CEACAM21: variants seen among roughly 807,000 people sequenced by gnomAD.
CEACAM21 encodes the protein cell adhesion molecule CEACAM21.
Under a neutral mutation model 33.2 loss-of-function variants are expected in CEACAM21, and 38 were observed. That is an observed-to-expected ratio of 1.14 (90% CI 0.88 to 1.50). The LOEUF (loss-of-function observed/expected upper bound fraction) is 1.50, where lower values mean the gene tolerates loss of function less well. CEACAM21 is among the 40% of genes most tolerant of loss of function. The pLI is 0.00. For missense variants in CEACAM21, 385 were observed against 364.6 expected (o/e 1.06, Z -0.46); for synonymous variants, 156 against 143.0 (o/e 1.09, Z -0.65).
Position 41,579,484 on chromosome 19 carries a change from G to A in CEACAM21, c.556G>A (p.Val186Ile), listed in dbSNP as rs1344892442. 2.5e-6 allele frequency: 4 copies of A among 1,613,864 alleles called. No homozygotes were observed. The South Asian group carries it at 3.3e-5, about 13-fold the overall frequency. ...GATTTTCAACAACCAGCGTCTGCAG[G>A]TCACGAAGAGGATGAAGCTGTCCTG... ...QWIFNNQRLQ[V>I]TKRMKLSWFN... The change falls in exon 3 of 7, where the codon GTC (valine) becomes ATC (isoleucine). Residue 186 changes from valine (V) to isoleucine (I), a missense_variant. Coordinates refer to ENST00000401445, the MANE Select transcript of CEACAM21 (RefSeq NM_001098506.4).
chr19:41,576,918 T>G (rs1555791257), intron 1 of CEACAM21, among the ~76,000 whole-genome samples: 1 of 152,078 alleles, frequency 6.6e-6, no homozygotes, highest in African/African-American at 2.4e-5. Flanking sequence ...TAGAGGAGGC[T>G]TCACGAAAGA....
rs1568627179 is a variant in CEACAM21, at chr19:41,586,671, G to A, written c.*208G>A. ...ACAGGCCTGGGGACAGGAAGGGATGGGGGTCCCTGCTGAATATATAGAGAC... is the reference window on the plus strand; with the variant it reads ...ACAGGCCTGGGGACAGGAAGGGATGAGGGTCCCTGCTGAATATATAGAGAC... On this transcript the variant is annotated 3_prime_UTR_variant, in exon 7 of 7. Coordinates refer to ENST00000401445, the MANE Select transcript of CEACAM21 (RefSeq NM_001098506.4). 4.3e-6 allele frequency: 2 copies of A among 466,576 alleles called. No individual in the cohort carries two copies. Among genetic ancestry groups the A allele is most frequent in the African/African-American group, 2.0e-5 (1 of 49,596 alleles). The allele number at this position is 466,576 out of a possible 1,614,324, so 28.9% of individuals were successfully genotyped here. A position where few individuals can be genotyped will look rare whatever the true frequency, so the allele number is the denominator to read the frequency against.
At chr19:41,575,396 C>A (rs1555790661), upstream of CEACAM21, among the ~76,000 whole-genome samples, 3 of 152,168 alleles carry the variant, frequency 2.0e-5, no homozygotes, top group African/African-American at 7.2e-5. Flanking sequence ...TCGCCCTGAT[C>A]AGATAGTCCT....
intron 3 of CEACAM21, among the ~76,000 whole-genome samples, chr19:41,582,576 G>A (rs752363080): frequency 8.5e-5 from 13 of 152,322 alleles, no homozygotes; most frequent in South Asian, 6.2e-4. Context: ...AAATCTAGGC[G>A]AAGGTTCCCA....
chr19:41,566,933 T>C (rs961960013), intron 2 of CEACAM21, among the ~76,000 whole-genome samples: 1 of 152,236 alleles, frequency 6.6e-6, no homozygotes, highest in Admixed American at 6.5e-5. Context: ...TTTTAAAATA[T>C]ATTGGTACAG....
intron 3 of CEACAM21, among the ~76,000 whole-genome samples, chr19:41,580,440 G>T (rs1336126929): frequency 6.6e-6 from 1 of 152,038 alleles, no homozygotes; most frequent in East Asian, 1.9e-4. Context: ...CCACAAAATT[G>T]CCACCACCTT....
chr19:41,582,326 A>G lies in CEACAM21; in HGVS notation c.701-2021A>G, dbSNP rs542815237. On this transcript the variant is annotated intron_variant, in intron 3 of 6. Coordinates refer to ENST00000401445, the MANE Select transcript of CEACAM21 (RefSeq NM_001098506.4). ...TGGCTGCTTTCATAGGCTGGCGTTG[A>G]GTGTCTGCAGCTTTTCTAGGTGCAT... is the stretch of plus-strand genomic sequence containing the variant. Among the ~76,000 whole-genome samples the G allele has an allele frequency of 2.0e-5, 3 of 152,238 alleles. No individual in the cohort carries two copies. In the East Asian group the frequency reaches 5.8e-4, roughly 29 times the overall value.
rs144624644 is a variant in CEACAM21 at position 41,552,940 on chromosome 19, A to G, written c.-779+3388A>G. On this transcript the variant is annotated intron_variant, in intron 1 of 7. Coordinates refer to the CEACAM21 transcript ENST00000407170. ...TGATTTCCAATTAAGAAAAATGGGG[A>G]AAAAGGGAAAGAAAAAGGAAACAAA... 1.1e-4 allele frequency among the ~76,000 whole-genome samples: 17 copies of G among 152,294 alleles called. No individual in the cohort carries two copies. In the East Asian group the frequency reaches 2.3e-3, roughly 21 times the overall value.
intron 6 of CEACAM21, chr19:41,586,127 C>T (rs1051608643): frequency 3.5e-5 from 21 of 603,426 alleles, no homozygotes; most frequent in Non-Finnish European, 5.9e-5. Flanking sequence ...TTCCCTGTCC[C>T]CTGACACCCC....
chr19:41,559,020 A>G (rs782459334), intron 1 of CEACAM21, among the ~76,000 whole-genome samples: 4 of 152,234 alleles, frequency 2.6e-5, no homozygotes, highest in Non-Finnish European at 5.9e-5. Flanking sequence ...GGAGATTTGA[A>G]TACATTCCTA....
At chr19:41,557,990 T>C (rs2041641516) in intron 1 of CEACAM21, among the ~76,000 whole-genome samples, 1 of 152,240 alleles carries the variant, frequency 6.6e-6, no homozygotes, top group East Asian at 1.9e-4. Flanking sequence ...CCAAAAACCA[T>C]GCCAAGAGTT....
chr19:41,577,893 C>A (rs2043072338), intron 2 of CEACAM21, among the ~76,000 whole-genome samples: 1 of 152,174 alleles, frequency 6.6e-6, no homozygotes, highest in African/African-American at 2.4e-5. Flanking sequence ...CAGGGCCTGG[C>A]CTGAGGATCC....
chr19:41,561,573 G>A (rs1217963533), intron 1 of CEACAM21, among the ~76,000 whole-genome samples: 1 of 152,116 alleles, frequency 6.6e-6, no homozygotes, highest in African/African-American at 2.4e-5. Context: ...TTGTCTTTTA[G>A]CTGGACAAGC....
chr19:41,550,891 A>G (rs1243027998), intron 1 of CEACAM21, among the ~76,000 whole-genome samples: 6 of 152,218 alleles, frequency 3.9e-5, no homozygotes, highest in African/African-American at 1.4e-4. Context: ...CATGAAAAGG[A>G]ATTTATTTTT....
rs1555795262 is a variant in CEACAM21 at position 41,585,862 on chromosome 19, C to T, written c.873C>T (p.Ser291=). The T allele has an allele frequency of 6.2e-7, 1 of 1,612,960 alleles. No homozygotes were observed. The highest frequency in any genetic ancestry group is 8.5e-7 in the Non-Finnish European group (1 of 1,179,562). The change falls in exon 6 of 7, where the codon TCC becomes TCT. Residue 291 remains serine, a synonymous_variant. Coordinates refer to ENST00000401445, the MANE Select transcript of CEACAM21 (RefSeq NM_001098506.4). Reference sequence around the variant, plus strand: ...CAGGCCATGGACCCTCTGACAGCTCCATCTCCTAGGTAAGACTGTCCGTTC... The same window carrying T: ...CAGGCCATGGACCCTCTGACAGCTCTATCTCCTAGGTAAGACTGTCCGTTC... ...STPGHGPSDS[S]IS
At chr19:41,558,725 C>T (rs1452817182) in intron 1 of CEACAM21, among the ~76,000 whole-genome samples, 2 of 152,106 alleles carry the variant, frequency 1.3e-5, no homozygotes, top group African/African-American at 2.4e-5. Flanking sequence ...TTAACAGAAG[C>T]TATGAGAAGG....
At chr19:41,571,218 C>T (rs1207100634), upstream of CEACAM21, among the ~76,000 whole-genome samples, 2 of 150,262 alleles carry the variant, frequency 1.3e-5, no homozygotes, top group African/African-American at 5.0e-5. Context: ...AACAATTCAC[C>T]AGTAAAATCC....
intron 3 of CEACAM21, among the ~76,000 whole-genome samples, chr19:41,583,459 C>T (rs1306454020): frequency 1.3e-5 from 2 of 152,210 alleles, no homozygotes; most frequent in African/African-American, 4.8e-5. Flanking sequence ...TAGCAGCACT[C>T]CACTAGCTGG....
intron 1 of CEACAM21, among the ~76,000 whole-genome samples, chr19:41,560,343 C>T (rs1243449053): frequency 6.6e-6 from 1 of 152,172 alleles, no homozygotes; most frequent in African/African-American, 2.4e-5. Context: ...CTGCCTCACC[C>T]TCCCAAGTAC....
Sources: allele counts gnomAD v4.1 joint callset (sites outside exome capture counted in the v4.1 genomes callset), GRCh38; gene constraint gnomAD v4.1.1; transcripts MANE v1.5; gene names NCBI Gene and HGNC (gene_info 2026-07-23, HGNC 2026-07-21).